Variants in WWOX observed in about 807,000 individuals in gnomAD.
WWOX encodes the protein WW domain-containing oxidoreductase.
In WWOX, 69 loss-of-function variants were observed where a neutral mutation model predicts 46.2. The observed-to-expected ratio is 1.49, with a 90% CI of 1.23 to 1.82. The LOEUF is 1.82. Ranked by LOEUF, WWOX falls within the 40% of genes most tolerant of loss-of-function variation. The pLI is 0.00. For synonymous variants in WWOX, 359 were observed against 202.6 expected (o/e 1.77, Z -6.56); for missense variants, 919 against 542.6 (o/e 1.69, Z -6.89).
chr16:79,063,999 T>G (rs2048399303), intron 8 of WWOX, among the ~76,000 whole-genome samples: 1 of 152,212 alleles, frequency 6.6e-6, no homozygotes, highest in Non-Finnish European at 1.5e-5. Flanking sequence ...AGCCAGGCCA[T>G]TTGAGGACAA....
intron 5 of WWOX, among the ~76,000 whole-genome samples, chr16:78,248,561 A>C (rs7202722): frequency 0.65 from 99,276 of 151,714 alleles, 33,660 homozygotes; most frequent in East Asian, 0.91. Flanking sequence ...TACGGTGAAA[A>C]CTCATCTCTA....
intron 8 of WWOX, among the ~76,000 whole-genome samples, chr16:79,062,999 C>G (rs2048381505): frequency 6.6e-6 from 1 of 152,168 alleles, no homozygotes; most frequent in Non-Finnish European, 1.5e-5. Context: ...ATATTTTTAG[C>G]AGGATTTTGG....
chr16:78,577,124 C>T (rs946286887), intron 8 of WWOX, among the ~76,000 whole-genome samples: 2 of 152,098 alleles, frequency 1.3e-5, no homozygotes, highest in African/African-American at 4.8e-5. Flanking sequence ...AAATTAGTCA[C>T]CAGTGTCTCA....
chr16:78,332,998 A>G (rs185714268), intron 5 of WWOX, among the ~76,000 whole-genome samples: 3 of 149,032 alleles, frequency 2.0e-5, no homozygotes, highest in East Asian at 3.9e-4. Flanking sequence ...TTTTTAACCA[A>G]GATTCTTCGC....
intron 8 of WWOX, among the ~76,000 whole-genome samples, chr16:78,498,342 G>T (rs2084971139): frequency 6.6e-6 from 1 of 152,120 alleles, no homozygotes. Context: ...AATTCATGGG[G>T]CTCAGGCCAG....
chr16:78,539,698 C>T (rs2043841390), intron 8 of WWOX, among the ~76,000 whole-genome samples: 1 of 152,146 alleles, frequency 6.6e-6, no homozygotes, highest in East Asian at 1.9e-4. Flanking sequence ...TGCACCTTGC[C>T]AGAGCATGTT....
Position 79,026,595 on chromosome 16 carries a change from G to C in WWOX, c.1057-185013G>C, listed in dbSNP as rs1245069857. Among the ~76,000 whole-genome samples, 3 of 148,906 alleles carry C rather than the reference G, an allele frequency of 2.0e-5. No individual in the cohort carries two copies. The East Asian group carries it at 5.9e-4, about 29-fold the overall frequency. On this transcript the variant is annotated intron_variant, in intron 8 of 8. Coordinates refer to ENST00000566780, the MANE Select transcript of WWOX (RefSeq NM_016373.4). ...CTGCCTCTAGGGGAGAGAACACAGA[G>C]CCTGGCATGTGGTAGACTCTTTTTT...
intron 5 of WWOX, among the ~76,000 whole-genome samples, chr16:78,277,572 A>G (rs1179605270): frequency 6.6e-6 from 1 of 152,142 alleles, no homozygotes; most frequent in Non-Finnish European, 1.5e-5. Flanking sequence ...ACAGTGGGGA[A>G]CCTGGCCCAA....
intron 5 of WWOX, among the ~76,000 whole-genome samples, chr16:78,385,153 A>ACACACACACACG (rs2082035739): frequency 6.6e-6 from 1 of 151,768 alleles, no homozygotes; most frequent in Non-Finnish European, 1.5e-5. Flanking sequence ...ACACACACAC[A>ACACACACACACG]CACACACAAA....
chr16:78,663,866 G>T (rs531427514), intron 8 of WWOX, among the ~76,000 whole-genome samples: 2 of 152,166 alleles, frequency 1.3e-5, no homozygotes, highest in East Asian at 3.9e-4. Context: ...AAACACACTC[G>T]ATGTGTTCAA....
chr16:79,028,378 G>C (rs1020525745), intron 8 of WWOX, among the ~76,000 whole-genome samples: 1 of 151,864 alleles, frequency 6.6e-6, no homozygotes, highest in Non-Finnish European at 1.5e-5. Flanking sequence ...ATTCAGTCCA[G>C]ACATTCTACC....
intron 8 of WWOX, among the ~76,000 whole-genome samples, chr16:78,932,644 C>T (rs2045648666): frequency 6.6e-6 from 1 of 152,220 alleles, no homozygotes; most frequent in Non-Finnish European, 1.5e-5. Context: ...AAGCCTGCAG[C>T]TGCGGCCTCT....
At chr16:78,876,871 G>A (rs530856970) in intron 8 of WWOX, among the ~76,000 whole-genome samples, 1 of 152,104 alleles carries the variant, frequency 6.6e-6, no homozygotes, top group East Asian at 1.9e-4. Flanking sequence ...TTCTAGTTTG[G>A]GGCATAAAAT....
chr16:78,451,054 GTTATAC>G (rs1200451506), intron 8 of WWOX, among the ~76,000 whole-genome samples: 1 of 152,082 alleles, frequency 6.6e-6, no homozygotes, highest in Non-Finnish European at 1.5e-5. Context: ...TTGCTTTCCC[GTTATAC>G]TTAAGCTTGT....
chr16:78,285,011 T>A (rs1027352643), intron 5 of WWOX, among the ~76,000 whole-genome samples: 1 of 152,212 alleles, frequency 6.6e-6, no homozygotes, highest in Non-Finnish European at 1.5e-5. Flanking sequence ...ATGCATGTAA[T>A]GATGATGTCA....
intron 8 of WWOX, among the ~76,000 whole-genome samples, chr16:78,458,505 C>T (rs2083879911): frequency 6.6e-6 from 1 of 152,098 alleles, no homozygotes; most frequent in African/African-American, 2.4e-5. Context: ...AAGCCATCCT[C>T]CCACCTCAGT....
intron 8 of WWOX, among the ~76,000 whole-genome samples, chr16:79,192,182 A>G (rs1459800201): frequency 3.9e-5 from 6 of 152,196 alleles, no homozygotes; most frequent in Non-Finnish European, 8.8e-5. Context: ...GCCAGCTCTA[A>G]TAGGGAATGT....
At chr16:78,353,009 A>C (rs561115676) in intron 5 of WWOX, among the ~76,000 whole-genome samples, 44 of 152,348 alleles carry the variant, frequency 2.9e-4, no homozygotes, top group African/African-American at 9.9e-4. Context: ...ATTAACTGGA[A>C]TGGGTAATTT....
chr16:78,894,987 G>A (rs1370321695), intron 8 of WWOX, among the ~76,000 whole-genome samples: 1 of 152,164 alleles, frequency 6.6e-6, no homozygotes, highest in East Asian at 1.9e-4. Flanking sequence ...TAGGTGTACA[G>A]AAGCTGGAGA....
Sources: gnomAD v4.1 joint callset for allele counts (sites outside exome capture counted in the v4.1 genomes callset) on GRCh38, gnomAD v4.1.1 for gene constraint, MANE v1.5 for transcripts, NCBI Gene and HGNC (gene_info 2026-07-23, HGNC 2026-07-21) for gene names.